IFNL2: variants seen among roughly 807,000 people sequenced by gnomAD.
The protein encoded by IFNL2 is interferon lambda-2.
A neutral mutation model predicts 18.7 loss-of-function variants in IFNL2; 17 were observed. The observed-to-expected ratio is 0.91, with a 90% confidence interval of 0.62 to 1.36. The LOEUF (loss-of-function observed/expected upper bound fraction) is 1.36. Ranked by LOEUF, IFNL2 falls within the 40% of genes most tolerant of loss-of-function variation. The pLI, the probability that IFNL2 is intolerant of heterozygous loss-of-function variation, is 0.00. For synonymous variants in IFNL2, 96 were observed against 113.4 expected (o/e 0.85, Z 0.98); for missense variants, 225 against 257.3 (o/e 0.87, Z 0.86).
In IFNL2 at chr19:39,270,088, G is replaced by T. The variant is rs559655492; in HGVS notation, c.*75G>T. 4.1e-6 allele frequency: 6 copies of T among 1,473,160 alleles called. No individual in the cohort carries two copies. In the East Asian group the frequency reaches 9.9e-5, roughly 24 times the overall value. The allele number at this position is 1,473,160 out of a possible 1,614,324, so 91.3% of individuals were successfully genotyped here. A position where few individuals can be genotyped will look rare whatever the true frequency, so the allele number is the denominator to read the frequency against. ...TGTCTTAATTTATTGCCACCCAGTC[G>T]CTATTTATGTATTTGTGTGTGTAAA... On this transcript the variant is annotated 3_prime_UTR_variant, in exon 6 of 6. Coordinates refer to ENST00000331982, the MANE Select transcript of IFNL2 (RefSeq NM_172138.2).
chr19:39,268,588 A>G lies in IFNL2; in HGVS notation c.10+10A>G, dbSNP rs2075023248. On this transcript the variant is annotated intron_variant, in intron 1 of 5. Transcript: ENST00000331982. ...TCAGGAATGAAACTAGGTGAGTCCC[A>G]CATCTCTGTCCGTGCTCAGCTCCTG... The G allele has an allele frequency of 1.3e-5, 21 of 1,613,294 alleles. No homozygotes were observed. The highest frequency in any genetic ancestry group is 1.6e-5 in the Non-Finnish European group (19 of 1,179,654).
In IFNL2 at chr19:39,269,189, C is replaced by T; in HGVS notation, c.230C>T (p.Ser77Phe). The T allele has an allele frequency of 1.9e-6, 3 of 1,612,310 alleles. No homozygotes were observed. Among genetic ancestry groups the T allele is most frequent in the Non-Finnish European group, 2.5e-6 (3 of 1,179,268 alleles). Residue 77 changes from serine (S) to phenylalanine (F), a missense_variant, in exon 3 of 6, where the codon TCC (serine) becomes TTC (phenylalanine). Coordinates refer to ENST00000331982, the MANE Select transcript of IFNL2 (RefSeq NM_172138.2). ...CTGCTGAAGGACTGCAGGTGCCACT[C>T]CCGCCTCTTCCCCAGGACCTGGGAC... ...SLLLKDCRCH[S>F]RLFPRTWDLR...
At chr19:39,269,428 T>C (rs2075027162) in intron 3 of IFNL2, 60 bp from the exon 4 acceptor site, 1 of 1,592,434 alleles carries the variant, frequency 6.3e-7, no homozygotes, top group Admixed American at 1.8e-5. Context: ...CTCTCTATCC[T>C]GCTCCCCAAC....
In IFNL2 at chr19:39,269,143, G is replaced by A. The variant is rs772667749; in HGVS notation, c.193-9G>A. 3.1e-6 allele frequency: 5 copies of A among 1,610,838 alleles called. No homozygotes were observed. Among genetic ancestry groups the A allele is most frequent in the East Asian group, 2.2e-5 (1 of 44,748 alleles). ...CCTGCTGGGGCTAACCTGTGCCTTT[G>A]CTGTCTAGGAAGAGTCGCTTCTGCT... On this transcript the variant is annotated splice_polypyrimidine_tract_variant and intron_variant, in intron 2 of 5. Coordinates refer to ENST00000331982, the MANE Select transcript of IFNL2 (RefSeq NM_172138.2).
rs747844205 is a variant in IFNL2, at chr19:39,269,771, C to T, written c.454C>T (p.Arg152Trp). Reference sequence around the variant, plus strand: ...TCAGCCCACGGCAGGGCCCAGGACCCGGGGCCGCCTCCACCATTGGCTGTA... The same window carrying T: ...TCAGCCCACGGCAGGGCCCAGGACCTGGGGCCGCCTCCACCATTGGCTGTA... ...QPQPTAGPRT[R>W]GRLHHWLYRL... is the part of the protein sequence containing the mutation. Residue 152 changes from arginine (R) to tryptophan (W), a missense_variant, in exon 5 of 6, where the codon CGG (arginine) becomes TGG (tryptophan). Coordinates refer to ENST00000331982, the MANE Select transcript of IFNL2 (RefSeq NM_172138.2). 18 of 1,609,432 alleles carry T rather than the reference C, an allele frequency of 1.1e-5. No individual in the cohort carries two copies. The highest frequency in any genetic ancestry group is 3.4e-5 in the Admixed American group (2 of 59,428).
In IFNL2 at chr19:39,269,746, T is replaced by A; in HGVS notation, c.429T>A (p.Pro143=). ...CCCTCCTCTGCCCACAGATCCAGCC[T>A]CAGCCCACGGCAGGGCCCAGGACCC... is the stretch of plus-strand genomic sequence containing the variant. The part of the protein sequence containing the change: ...ILSQFRACIQ[P]QPTAGPRTRG... The change falls in exon 5 of 6, where the codon CCT becomes CCA. Residue 143 remains proline, a synonymous_variant. Coordinates refer to ENST00000331982, the MANE Select transcript of IFNL2 (RefSeq NM_172138.2). 6.2e-7 allele frequency: 1 copy of A among 1,608,578 alleles called. No homozygotes were observed. Among genetic ancestry groups the A allele is most frequent in the Admixed American group, 1.7e-5 (1 of 59,276 alleles).
rs1256726448 is a variant in IFNL2, at chr19:39,268,790, C to T, written c.124C>T (p.His42Tyr). 1 of 1,613,772 alleles carries T rather than the reference C, an allele frequency of 6.2e-7. No homozygotes were observed. The highest frequency in any genetic ancestry group is 1.1e-5 in the South Asian group (1 of 91,062). Residue 42 changes from histidine (H) to tyrosine (Y), a missense_variant, in exon 2 of 6, where the codon CAC (histidine) becomes TAC (tyrosine). Transcript: ENST00000331982. ...HGALPDARGCHIAQFKSLSPQ... is the reference protein window; with the variant it reads ...HGALPDARGCYIAQFKSLSPQ... ...GGCTCTCCCGGATGCAAGGGGCTGC[C>T]ACATAGCCCAGTTCAAGTCCCTGTC...
rs916999607 is a variant in IFNL2 at position 39,268,432 on chromosome 19, A to C, written c.-137A>C. On this transcript the variant is annotated 5_prime_UTR_variant, in exon 1 of 6. Coordinates refer to ENST00000331982, the MANE Select transcript of IFNL2 (RefSeq NM_172138.2). ...CCCAGACAGAGCTCAAAACTGACAG[A>C]AAGAGTCAAAGCCAGGACACAGTCT... The C allele has an allele frequency of 3.9e-6, 3 of 778,024 alleles. No homozygotes were observed. In the African/African-American group the frequency reaches 5.4e-5, roughly 14 times the overall value. The allele number at this position is 778,024 out of a possible 1,614,324, so 48.2% of individuals were successfully genotyped here. A position where few individuals can be genotyped will look rare whatever the true frequency, so the allele number is the denominator to read the frequency against.
At chr19:39,269,459 C>A (rs556038833) in intron 3 of IFNL2, 29 bp from the exon 4 acceptor site, 15 of 1,613,204 alleles carry the variant, frequency 9.3e-6, no homozygotes, top group Non-Finnish European at 1.1e-5. Context: ...CACCTCCCCC[C>A]TCACCTGCTC....
chr19:39,269,426 C>A, intron 3 of IFNL2, 62 bp from the exon 4 acceptor site: 3 of 1,590,194 alleles, frequency 1.9e-6, no homozygotes, highest in Non-Finnish European at 2.6e-6. Flanking sequence ...TCCTCTCTAT[C>A]CTGCTCCCCA....
In IFNL2 at chr19:39,269,755, G is replaced by A. The variant is rs1046802891; in HGVS notation, c.438G>A (p.Thr146=). ...QFRACIQPQP[T]AGPRTRGRLH... ...GCCCACAGATCCAGCCTCAGCCCAC[G>A]GCAGGGCCCAGGACCCGGGGCCGCC... The change falls in exon 5 of 6, where the codon ACG becomes ACA. Residue 146 remains threonine (T), a synonymous_variant. Transcript: ENST00000331982. The A allele has an allele frequency of 8.1e-6, 13 of 1,609,026 alleles. No homozygotes were observed. Among genetic ancestry groups the A allele is most frequent in the South Asian group, 2.2e-5 (2 of 89,990 alleles).
intron 3 of IFNL2, 30 bp from the exon 4 acceptor site, chr19:39,269,458 C>G: frequency 5.6e-6 from 9 of 1,613,218 alleles, no homozygotes; most frequent in South Asian, 1.1e-5. Context: ...TCACCTCCCC[C>G]CTCACCTGCT....
rs752713056 is a variant in IFNL2, at chr19:39,268,891, A to G, written c.192+33A>G. 9 of 1,595,632 alleles carry G rather than the reference A, an allele frequency of 5.6e-6. No individual in the cohort carries two copies. In the South Asian group the frequency reaches 9.0e-5, roughly 16 times the overall value. On this transcript the variant is annotated intron_variant, in intron 2 of 5. Transcript: ENST00000331982. ...TCCCCCTGCCCTCCTGCCATGGACT[A>G]GCCTCCACCCCCACTCCAAGCGTCA...
At position 39,268,810 on chromosome 19, in the gene IFNL2, C is replaced by A. The variant is rs373005397; in HGVS notation, c.144C>A (p.Ser48=). 6.2e-7 allele frequency: 1 copy of A among 1,613,764 alleles called. No homozygotes were observed. Among genetic ancestry groups the A allele is most frequent in the South Asian group, 1.1e-5 (1 of 91,062 alleles). ...ARGCHIAQFK[S]LSPQELQAFK... is the part of the protein sequence containing the mutation. ...GCTGCCACATAGCCCAGTTCAAGTC[C>A]CTGTCTCCACAGGAGCTGCAGGCCT... The change falls in exon 2 of 6, where the codon TCC becomes TCA. Residue 48 remains serine, a synonymous_variant. Coordinates refer to ENST00000331982, the MANE Select transcript of IFNL2 (RefSeq NM_172138.2).
Position 39,269,199 on chromosome 19 carries a change from C to T in IFNL2, c.240C>T (p.Phe80=), listed in dbSNP as rs539578886. 1.9e-5 allele frequency: 31 copies of T among 1,612,668 alleles called. No homozygotes were observed. In the Admixed American group the frequency reaches 3.8e-4, roughly 20 times the overall value. ...LKDCRCHSRL[F]PRTWDLRQLQ... Reference sequence around the variant, plus strand: ...ACTGCAGGTGCCACTCCCGCCTCTTCCCCAGGACCTGGGACCTGAGGCAGC... The same window carrying T: ...ACTGCAGGTGCCACTCCCGCCTCTTTCCCAGGACCTGGGACCTGAGGCAGC... Residue 80 remains phenylalanine (F), a synonymous_variant, in exon 3 of 6, where the codon TTC becomes TTT. Coordinates refer to ENST00000331982, the MANE Select transcript of IFNL2 (RefSeq NM_172138.2).
In IFNL2 at chr19:39,270,142, T is replaced by C. The variant is rs1207701098; in HGVS notation, c.*129T>C. ...AACTCACCTCCAGGAAAATGTTTAT[T>C]TTTCTACTTTTTATAACCCTTGTTG... On this transcript the variant is annotated 3_prime_UTR_variant, in exon 6 of 6. Transcript: ENST00000331982. The C allele has an allele frequency of 2.8e-6, 3 of 1,066,478 alleles. No homozygotes were observed. Among genetic ancestry groups the C allele is most frequent in the Non-Finnish European group, 4.1e-6 (3 of 738,984 alleles). The allele number at this position is 1,066,478 out of a possible 1,614,324, so 66.1% of individuals were successfully genotyped here.
intron 3 of IFNL2, 91 bp from the exon 4 acceptor site, chr19:39,269,397 G>A: frequency 6.5e-7 from 1 of 1,542,878 alleles, no homozygotes; most frequent in Admixed American, 1.9e-5. Context: ...TCTCCCCTGT[G>A]CCTGTCACCT....
At chr19:39,269,684 C>T (rs1327869269) in intron 4 of IFNL2, 47 bp downstream of exon 4, 3 of 1,610,104 alleles carry the variant, frequency 1.9e-6, no homozygotes, top group Non-Finnish European at 1.7e-6. Context: ...CTCTGAGCAG[C>T]GTCCTTCCCC....
In IFNL2 at chr19:39,269,798, C is replaced by A. The variant is rs373827690; in HGVS notation, c.481C>A (p.Arg161=). The change falls in exon 5 of 6, where the codon CGG becomes AGG. Residue 161 remains arginine (R), a synonymous_variant. Coordinates refer to ENST00000331982, the MANE Select transcript of IFNL2 (RefSeq NM_172138.2). ...GGGCCGCCTCCACCATTGGCTGTACCGGCTCCAGGAGGCCCCAAAAAAGGT... is the reference window on the plus strand; with the variant it reads ...GGGCCGCCTCCACCATTGGCTGTACAGGCTCCAGGAGGCCCCAAAAAAGGT... ...TRGRLHHWLY[R]LQEAPKKESP... 5.0e-6 allele frequency: 8 copies of A among 1,608,418 alleles called. No individual in the cohort carries two copies. Among genetic ancestry groups the A allele is most frequent in the African/African-American group, 1.3e-5 (1 of 74,678 alleles).
Sources: gnomAD v4.1 joint callset for allele counts on GRCh38, gnomAD v4.1.1 for gene constraint, MANE v1.5 for transcripts, NCBI Gene and HGNC (gene_info 2026-07-23, HGNC 2026-07-21) for gene names.